Variants in RBPJ observed in about 807,000 individuals in gnomAD.
RBPJ encodes recombining binding protein suppressor of hairless.
In RBPJ, 9 loss-of-function variants were observed where a neutral mutation model predicts 67.8. That is an observed-to-expected ratio of 0.13 (90% CI 0.08 to 0.23). The LOEUF is 0.23. Ranked by LOEUF, RBPJ falls within the 10% of genes least tolerant of loss-of-function variation. RBPJ has a pLI of 1.00. For synonymous variants in RBPJ, 198 were observed against 203.3 expected, an observed-to-expected ratio of 0.97 and a Z score of 0.22; for missense variants, 305 against 595.6, an observed-to-expected ratio of 0.51 and a Z score of 5.08.
chr4:26,254,561 C>A (rs989428638), intron 1 of RBPJ, among the ~76,000 whole-genome samples: 5 of 148,854 alleles, frequency 3.4e-5, no homozygotes, highest in Non-Finnish European at 7.4e-5. Flanking sequence ...GCACTCAATA[C>A]TTTGATTTTA....
chr4:26,307,206 T>C (rs1009033334), intron 1 of RBPJ, among the ~76,000 whole-genome samples: 8 of 152,216 alleles, frequency 5.3e-5, no homozygotes, highest in South Asian at 2.1e-4. Context: ...ACTGAGATGA[T>C]TGATGTCTGT....
At chr4:26,123,254 A>G in the RBPJ span, among the ~76,000 whole-genome samples, 1 of 152,216 alleles carries the variant, frequency 6.6e-6, no homozygotes, top group Non-Finnish European at 1.5e-5. Context: ...ACCAGAGCAC[A>G]ATGGGAAGCA....
chr4:26,305,153 G>A (rs1281478272), intron 1 of RBPJ, among the ~76,000 whole-genome samples: 1 of 152,154 alleles, frequency 6.6e-6, no homozygotes, highest in East Asian at 1.9e-4. Context: ...ACCTAAATGT[G>A]AGGGCTTATT....
chr4:26,122,592 A>C, the RBPJ span, among the ~76,000 whole-genome samples: 1 of 152,228 alleles, frequency 6.6e-6, no homozygotes, highest in African/African-American at 2.4e-5. Context: ...ATTTCTTGGA[A>C]TTTTTTGGAG....
At chr4:26,215,349 A>AAG (rs1577482173) in intron 1 of RBPJ, among the ~76,000 whole-genome samples, 1 of 11,512 alleles carries the variant, frequency 8.7e-5, no homozygotes, top group East Asian at 0.029. Flanking sequence ...GAAAGAAAGA[A>AAG]AAAAAGAAGG....
At chr4:26,402,966 T>C (rs545220146) in intron 2 of RBPJ, among the ~76,000 whole-genome samples, 1 of 152,348 alleles carries the variant, frequency 6.6e-6, no homozygotes, top group African/African-American at 2.4e-5. Context: ...TACATAGAGT[T>C]ATTTTTCCTG....
intron 1 of RBPJ, among the ~76,000 whole-genome samples, chr4:26,246,863 C>T (rs1049103684): frequency 1.3e-5 from 2 of 152,042 alleles, no homozygotes; most frequent in South Asian, 2.1e-4. Flanking sequence ...GCTGAGGGGC[C>T]GCGCACCACT....
At chr4:26,422,854 A>T (rs1735285601) in intron 5 of RBPJ, among the ~76,000 whole-genome samples, 1 of 152,194 alleles carries the variant, frequency 6.6e-6, no homozygotes, top group Admixed American at 6.5e-5. Context: ...AGTTTGATGC[A>T]TATCCAATCA....
chr4:26,189,004 T>C (rs1717379758), intron 1 of RBPJ, among the ~76,000 whole-genome samples: 1 of 152,216 alleles, frequency 6.6e-6, no homozygotes, highest in African/African-American at 2.4e-5. Context: ...GAAGGCAAGA[T>C]AGTCTTTCCT....
At chr4:26,194,089 T>A (rs915919934) in intron 1 of RBPJ, among the ~76,000 whole-genome samples, 1 of 152,212 alleles carries the variant, frequency 6.6e-6, no homozygotes, top group Admixed American at 6.5e-5. Flanking sequence ...AAGACACGGG[T>A]AATAGCATTT....
In RBPJ at chr4:26,186,947, G is replaced by T. The variant is rs538861241; in HGVS notation, c.-167+23333G>T. On this transcript the variant is annotated intron_variant, in intron 1 of 4. Coordinates refer to the RBPJ transcript ENST00000512351. ...AAAAAATACACAAACAAGGCCTGGCGCAGTGGACCACGCCTGTAATTTCAG... is the reference window on the plus strand; with the variant it reads ...AAAAAATACACAAACAAGGCCTGGCTCAGTGGACCACGCCTGTAATTTCAG... Among the ~76,000 whole-genome samples the T allele has an allele frequency of 8.5e-5, 13 of 152,170 alleles. No individual in the cohort carries two copies. The South Asian group carries it at 2.7e-3, about 32-fold the overall frequency.
chr4:26,385,010 C>T (rs945345160), intron 1 of RBPJ, among the ~76,000 whole-genome samples: 23 of 121,532 alleles, frequency 1.9e-4, no homozygotes, highest in African/African-American at 7.0e-4. Flanking sequence ...TCCCCTCCCC[C>T]CTTTCCTTTC....
rs547083716 is a variant in RBPJ at position 26,218,353 on chromosome 4, G to A, written c.-167+54739G>A. Among the ~76,000 whole-genome samples the A allele has an allele frequency of 6.6e-5, 10 of 152,240 alleles. No individual in the cohort carries two copies. In the East Asian group the frequency reaches 1.2e-3, roughly 18 times the overall value. On this transcript the variant is annotated intron_variant, in intron 1 of 4. Transcript: ENST00000512351. ...AGAAGTGAAAGTCCATTCCAGAACC[G>A]TGGCCGCCTGAGGAAACTCCCCAGG...
In RBPJ at chr4:26,430,975, G is replaced by A; in HGVS notation, c.1432G>A (p.Val478Ile). ...AAACGCCAGCACAAATTCAACCAGT[G>A]TCACATCATCTACAGCCACAGTGGT... ...YTNASTNSTS[V>I]TSSTATVVS Residue 478 changes from valine (V) to isoleucine (I), a missense_variant, in exon 11 of 11, where the codon GTC (valine) becomes ATC (isoleucine). By Grantham distance (29) the Val-to-Ile change is conservative. Transcript: ENST00000355476. The surrounding 1 kb of genome is among the most constrained non-coding windows in gnomAD (Gnocchi z 4.1). 1 of 1,613,854 alleles carries A rather than the reference G, an allele frequency of 6.2e-7. No individual in the cohort carries two copies.
At chr4:26,315,180 ATATATATATATATGTATG>A (rs1458304389), upstream of RBPJ, among the ~76,000 whole-genome samples, 2 of 119,954 alleles carry the variant, frequency 1.7e-5, no homozygotes, top group African/African-American at 7.2e-5. Flanking sequence ...ATATATATAT[ATATATATATATATGTATG>A]TATATACTGG....
intron 1 of RBPJ, among the ~76,000 whole-genome samples, chr4:26,385,655 TG>T (rs1171952759): frequency 6.6e-6 from 1 of 152,220 alleles, no homozygotes; most frequent in Non-Finnish European, 1.5e-5. Flanking sequence ...AGTTAAAATC[TG>T]GGAAGTCTCA....
chr4:26,248,873 C>A (rs1157876420), intron 1 of RBPJ, among the ~76,000 whole-genome samples: 1 of 152,108 alleles, frequency 6.6e-6, no homozygotes, highest in Non-Finnish European at 1.5e-5. Context: ...GCCAAAAACA[C>A]CAGCTGGGAG....
intron 2 of RBPJ, 47 bp from the exon 3 acceptor site, chr4:26,406,128 A>G (rs571049009): frequency 1.1e-5 from 13 of 1,234,564 alleles, no homozygotes; most frequent in Middle Eastern, 2.0e-4. Context: ...GAAAGATTTC[A>G]TCAAGAATTT....
chr4:26,406,878 G>GT (rs1483661220), intron 3 of RBPJ, among the ~76,000 whole-genome samples: 1 of 152,356 alleles, frequency 6.6e-6, no homozygotes, highest in South Asian at 2.1e-4. Flanking sequence ...TTGGGCTAAA[G>GT]TGTAAGAACT....
Sources: gnomAD v4.1 joint callset for allele counts (sites outside exome capture counted in the v4.1 genomes callset) on GRCh38, gnomAD v4.1.1 for gene constraint, Gnocchi (gnomAD v3.1) non-coding constraint, MANE v1.5 for transcripts, NCBI Gene and HGNC (gene_info 2026-07-23, HGNC 2026-07-21) for gene names.